The following SPATA13 variants were observed in gnomAD, a reference collection of about 807,000 sequenced individuals.
SPATA13 encodes the protein spermatogenesis associated 13, also known as spermatogenesis-associated protein 13.
SPATA13 carries 50 observed loss-of-function variants against 104.0 expected under a neutral mutation model. The observed-to-expected ratio is 0.48, with a 90% CI of 0.38 to 0.61. The LOEUF is 0.61. Ranked by LOEUF, SPATA13 falls within the 20% of genes least tolerant of loss-of-function variation. The probability of loss-of-function intolerance (pLI) is 0.00; values close to 1 mark genes in which losing one functional copy is unlikely to be tolerated. For synonymous variants in SPATA13, 606 were observed against 667.5 expected, an observed-to-expected ratio of 0.91 and a Z score of 1.42; for missense variants, 1,524 against 1,690.6, an observed-to-expected ratio of 0.90 and a Z score of 1.73.
At chr13:24,250,646 A>G (rs1314335696) in intron 3 of SPATA13, among the ~76,000 whole-genome samples, 2 of 152,244 alleles carry the variant, frequency 1.3e-5, no homozygotes, top group African/African-American at 4.8e-5. Context: ...GTATACGTCT[A>G]CATTTTTCCT....
At chr13:24,238,132 C>CTTTTT (rs66810619) in intron 2 of SPATA13, among the ~76,000 whole-genome samples, 36 of 77,138 alleles carry the variant, frequency 4.7e-4, no homozygotes, top group East Asian at 8.3e-4. Flanking sequence ...TTCTTCTTGA[C>CTTTTT]TTTTTTTTTT....
chr13:24,025,887 C>T (rs1877190890), intron 3 of SPATA13, among the ~76,000 whole-genome samples: 2 of 151,820 alleles, frequency 1.3e-5, no homozygotes, highest in Non-Finnish European at 1.5e-5. Flanking sequence ...TCACTACAAC[C>T]TCCGCCTCCC....
intron 3 of SPATA13, among the ~76,000 whole-genome samples, chr13:24,134,301 A>T (rs1881484133): frequency 6.6e-6 from 1 of 152,204 alleles, no homozygotes; most frequent in South Asian, 2.1e-4. Context: ...CTAAAACCAC[A>T]CCATGAAAAG....
intron 2 of SPATA13, among the ~76,000 whole-genome samples, chr13:24,246,746 C>G (rs1232317077): frequency 6.6e-6 from 1 of 151,956 alleles, no homozygotes; most frequent in East Asian, 1.9e-4. Flanking sequence ...GCCTGTAATC[C>G]CAGCTACTCA....
chr13:24,239,588 G>T lies in SPATA13; in HGVS notation c.1654-9889G>T, dbSNP rs902863174. ...TGTGCACCTCTAGTCCCAGCTACTT[G>T]GGAGGCTGAGGTAGGAGAATCACCT... On this transcript the variant is annotated intron_variant, in intron 2 of 12. Transcript: ENST00000382108. Among the ~76,000 whole-genome samples, 7 of 150,440 alleles carry T rather than the reference G, an allele frequency of 4.7e-5. No homozygotes were observed. In the South Asian group the frequency reaches 8.4e-4, roughly 18 times the overall value.
chr13:24,158,290 G>A (rs1882322253), upstream of SPATA13, among the ~76,000 whole-genome samples: 1 of 152,186 alleles, frequency 6.6e-6, no homozygotes, highest in Non-Finnish European at 1.5e-5. Context: ...CCTTGTCTGC[G>A]AGGCTGTGAG....
intron 1 of SPATA13, among the ~76,000 whole-genome samples, chr13:24,198,028 T>C (rs146048930): frequency 1.9e-3 from 283 of 152,254 alleles, no homozygotes; most frequent in African/African-American, 6.4e-3. Flanking sequence ...TGGAGTCTAG[T>C]TCTGTCGCCC....
At chr13:24,053,088 A>C (rs1284301918) in intron 3 of SPATA13, among the ~76,000 whole-genome samples, 1 of 151,906 alleles carries the variant, frequency 6.6e-6, no homozygotes, top group Non-Finnish European at 1.5e-5. Flanking sequence ...TCTGAGACCT[A>C]TCCGTACCTA....
chr13:24,096,831 C>T (rs1476087178), intron 3 of SPATA13, among the ~76,000 whole-genome samples: 1 of 152,278 alleles, frequency 6.6e-6, no homozygotes. Flanking sequence ...CCGGAAGAAT[C>T]ATGCAGGCCA....
In SPATA13 at chr13:24,249,818, G is replaced by A; in HGVS notation, c.1995G>A (p.Glu665=). 6.2e-7 allele frequency: 1 copy of A among 1,608,458 alleles called. No homozygotes were observed. The highest frequency in any genetic ancestry group is 1.7e-5 in the Admixed American group (1 of 59,318). Residue 665 remains glutamate, a synonymous_variant, in exon 3 of 13, where the codon GAG becomes GAA. Transcript: ENST00000382108. ...GVSLYGTNQT[E]ELDNLLTQPA... ...GCTTGTATGGGACCAACCAGACGGA[G>A]GAACTGGACAATCTTCTGACCCAAG...
chr13:24,113,542 C>T (rs1037756532), intron 3 of SPATA13, among the ~76,000 whole-genome samples: 7 of 151,416 alleles, frequency 4.6e-5, no homozygotes, highest in African/African-American at 1.7e-4. Flanking sequence ...AAGAAAGCTA[C>T]TTCTGTAAAA....
At chr13:24,118,779 A>G (rs996270798) in intron 3 of SPATA13, among the ~76,000 whole-genome samples, 15 of 152,164 alleles carry the variant, frequency 9.9e-5, no homozygotes, top group Admixed American at 6.5e-5. Context: ...ATCACCTCTC[A>G]ATAGCAAATA....
intron 2 of SPATA13, among the ~76,000 whole-genome samples, chr13:23,985,639 A>G (rs974598109): frequency 6.6e-6 from 1 of 152,260 alleles, no homozygotes; most frequent in Non-Finnish European, 1.5e-5. Context: ...TGAAGGAAAT[A>G]TAAGAGGGAC....
At chr13:24,230,855 T>C (rs1195743948) in intron 2 of SPATA13, among the ~76,000 whole-genome samples, 1 of 152,098 alleles carries the variant, frequency 6.6e-6, no homozygotes, top group African/African-American at 2.4e-5. Flanking sequence ...TGGACTTTAC[T>C]CTGTAAGTGG....
chr13:24,129,729 GTTA>G (rs1881334518), intron 3 of SPATA13, among the ~76,000 whole-genome samples: 2 of 152,210 alleles, frequency 1.3e-5, no homozygotes, highest in South Asian at 4.1e-4. Context: ...TGGACACATA[GTTA>G]TTATTCAGGA....
intron 3 of SPATA13, among the ~76,000 whole-genome samples, chr13:24,153,318 C>T (rs1452478198): frequency 6.6e-6 from 1 of 152,230 alleles, no homozygotes; most frequent in African/African-American, 2.4e-5. Context: ...GGCTGTGTGG[C>T]CCACGTGGCT....
At chr13:24,200,673 C>T (rs1289212608) in intron 1 of SPATA13, among the ~76,000 whole-genome samples, 1 of 151,490 alleles carries the variant, frequency 6.6e-6, no homozygotes, top group East Asian at 1.9e-4. Flanking sequence ...TATAAAGCAA[C>T]TTTATGTTTT....
intron 4 of SPATA13, among the ~76,000 whole-genome samples, chr13:24,282,930 A>G (rs1373741275): frequency 1.3e-5 from 2 of 152,202 alleles, no homozygotes; most frequent in East Asian, 1.9e-4. Flanking sequence ...TCTTTCTGTC[A>G]TATGAGGGGA....
intron 1 of SPATA13, among the ~76,000 whole-genome samples, chr13:24,220,413 A>T (rs1011799170): frequency 6.6e-6 from 1 of 152,256 alleles, no homozygotes; most frequent in Non-Finnish European, 1.5e-5. Context: ...TACTAATGTC[A>T]GTGCCTGTGA....
Sources: allele counts gnomAD v4.1 joint callset (sites outside exome capture counted in the v4.1 genomes callset), GRCh38; gene constraint gnomAD v4.1.1; transcripts MANE v1.5; gene names NCBI Gene and HGNC (gene_info 2026-07-23, HGNC 2026-07-21).